Variants in PCBP3 observed in about 807,000 individuals in gnomAD.
PCBP3 encodes the protein poly(rC) binding protein 3, also known as poly(rC)-binding protein 3.
In PCBP3, 25 loss-of-function variants were observed where a neutral mutation model predicts 52.7. That is an observed-to-expected ratio of 0.47 (90% CI 0.35 to 0.66). PCBP3 has a LOEUF of 0.66. Among genes scored for constraint, PCBP3 ranks in the 30% least tolerant of loss-of-function variants. The pLI is 0.01. For missense variants in PCBP3, 391 were observed against 490.3 expected (o/e 0.80, Z 1.91); for synonymous variants, 162 against 183.0 (o/e 0.89, Z 0.93).
rs577068401 is a variant in PCBP3 at position 45,701,869 on chromosome 21, C to T, written c.-200+32917C>T. Among the ~76,000 whole-genome samples, 154 of 152,226 alleles carry T rather than the reference C, an allele frequency of 1.0e-3. 1 individual carries two copies. The highest frequency in any genetic ancestry group is 3.4e-3 in the Middle Eastern group (1 of 294). On this transcript the variant is annotated intron_variant, in intron 2 of 17. Transcript: ENST00000681687. ...GCCACCTCACCCAGCCCCAAAATAA[C>T]ATTTTAATAAAAAGAACTATATTTT...
At chr21:45,785,736 T>C (rs537635401) in intron 4 of PCBP3, among the ~76,000 whole-genome samples, 2 of 152,240 alleles carry the variant, frequency 1.3e-5, no homozygotes, top group South Asian at 4.2e-4. Context: ...ATGGTTGCCG[T>C]GTCTGTGTAG....
rs561168932 is a variant in PCBP3, at chr21:45,827,578, G to A, written c.-125-22383G>A. ...TGGAAAGTCTCAGCCAAGCGAAGAC[G>A]GAGGGCCAACCAAGTCGAGGTTTCA... is the stretch of plus-strand genomic sequence containing the variant. On this transcript the variant is annotated intron_variant, in intron 4 of 17. Coordinates refer to ENST00000681687, the MANE Select transcript of PCBP3 (RefSeq NM_001384156.1). This position sits in a 1 kb window ranked among gnomAD's most constrained non-coding sequence, Gnocchi z 4.3. 8.9e-4 allele frequency among the ~76,000 whole-genome samples: 136 copies of A among 152,276 alleles called. No homozygotes were observed. Among genetic ancestry groups the A allele is most frequent in the Non-Finnish European group, 1.6e-3 (109 of 68,022 alleles).
At chr21:45,702,466 C>T (rs144038176) in intron 2 of PCBP3, among the ~76,000 whole-genome samples, 1 of 152,124 alleles carries the variant, frequency 6.6e-6, no homozygotes, top group Admixed American at 6.5e-5. Flanking sequence ...AATATCAAAG[C>T]AAGTCACATG....
Position 45,935,319 on chromosome 21 carries a change from C to CA in PCBP3, c.909+14_909+15insA. 3 of 1,595,120 alleles carry CA rather than the reference C, an allele frequency of 1.9e-6. No homozygotes were observed. Among genetic ancestry groups the CA allele is most frequent in the Non-Finnish European group, 2.6e-6 (3 of 1,165,776 alleles). ...ATTCCCAATGATGTGAGTATGCCCG[C>CA]TGTACCTGCCTGTCCCTGGGTAGAA... On this transcript the variant is annotated intron_variant, in intron 16 of 17. Coordinates refer to ENST00000681687, the MANE Select transcript of PCBP3 (RefSeq NM_001384156.1).
intron 5 of PCBP3, among the ~76,000 whole-genome samples, chr21:45,878,284 G>A (rs889272879): frequency 2.0e-5 from 3 of 152,374 alleles, no homozygotes; most frequent in South Asian, 2.1e-4. Flanking sequence ...CCTGCCCTCC[G>A]GGGTGGGGGG....
At chr21:45,672,699 G>A (rs1293737362) in intron 2 of PCBP3, among the ~76,000 whole-genome samples, 3 of 152,110 alleles carry the variant, frequency 2.0e-5, no homozygotes, top group Non-Finnish European at 2.9e-5. Context: ...AGACACACCT[G>A]TAATCTCACC....
Position 45,650,926 on chromosome 21 carries a change from G to A in PCBP3, c.-279+7058G>A, listed in dbSNP as rs541819356. 1.4e-4 allele frequency among the ~76,000 whole-genome samples: 21 copies of A among 152,176 alleles called. 1 individual carries two copies. The highest frequency in any genetic ancestry group is 4.6e-4 in the African/African-American group (19 of 41,498). On this transcript the variant is annotated intron_variant, in intron 1 of 17. Transcript: ENST00000681687. ...TACCTAATTTCAGATGGGGCGGGGT[G>A]GTAGAATCTTCCTCATCCTGGAAGC...
chr21:45,933,327 A>G (rs1367479179), intron 15 of PCBP3, among the ~76,000 whole-genome samples: 1 of 152,002 alleles, frequency 6.6e-6, no homozygotes, highest in African/African-American at 2.4e-5. Context: ...GAACACATTG[A>G]CCATGCTGTC....
At chr21:45,865,674 T>A (rs531311579) in intron 5 of PCBP3, among the ~76,000 whole-genome samples, 1 of 152,046 alleles carries the variant, frequency 6.6e-6, no homozygotes, top group African/African-American at 2.4e-5. Flanking sequence ...TGGAGCTGGG[T>A]TTGAGGATGG....
intron 4 of PCBP3, among the ~76,000 whole-genome samples, chr21:45,834,843 AGCCCAGGAAT>A (rs2093543203): frequency 6.6e-6 from 1 of 152,232 alleles, no homozygotes; most frequent in South Asian, 2.1e-4. Flanking sequence ...TTTTCGGCAG[AGCCCAGGAAT>A]GCCCACTTCT....
chr21:45,665,065 T>C (rs1206806350), intron 1 of PCBP3, among the ~76,000 whole-genome samples: 1 of 151,894 alleles, frequency 6.6e-6, no homozygotes, highest in Non-Finnish European at 1.5e-5. Context: ...CAAATGAAAT[T>C]GAGTTCTTTA....
chr21:45,756,422 G>A (rs772807355), intron 4 of PCBP3, among the ~76,000 whole-genome samples: 10 of 151,996 alleles, frequency 6.6e-5, no homozygotes, highest in Non-Finnish European at 1.2e-4. Flanking sequence ...CCTTTGCTTT[G>A]ATTCTAAAAT....
At chr21:45,667,495 AT>A (rs1261406494) in intron 1 of PCBP3, among the ~76,000 whole-genome samples, 3 of 152,044 alleles carry the variant, frequency 2.0e-5, no homozygotes, top group African/African-American at 7.3e-5. Flanking sequence ...CAATTATCAT[AT>A]TTTTTAACTC....
intron 4 of PCBP3, among the ~76,000 whole-genome samples, chr21:45,808,729 C>A (rs191906728): frequency 6.6e-6 from 1 of 152,274 alleles, no homozygotes; most frequent in East Asian, 1.9e-4. Context: ...ACTATAAAGA[C>A]ACATGCATGT....
At chr21:45,876,854 G>A (rs1286031720) in intron 5 of PCBP3, among the ~76,000 whole-genome samples, 3 of 152,236 alleles carry the variant, frequency 2.0e-5, no homozygotes, top group East Asian at 1.9e-4. Flanking sequence ...AGCTAACGGG[G>A]GTATGGCCAG....
chr21:45,849,569 T>C (rs2148181343), intron 4 of PCBP3, among the ~76,000 whole-genome samples: 1 of 152,336 alleles, frequency 6.6e-6, no homozygotes, highest in East Asian at 1.9e-4. Context: ...AGAAATTAGA[T>C]GAAATTTGTT....
At chr21:45,730,773 A>G (rs1450937614) in intron 2 of PCBP3, among the ~76,000 whole-genome samples, 1 of 152,098 alleles carries the variant, frequency 6.6e-6, no homozygotes, top group Non-Finnish European at 1.5e-5. Flanking sequence ...ATTATTATAT[A>G]ATGTCCTTAT....
chr21:45,854,667 G>A lies in PCBP3; in HGVS notation c.10+4572G>A, dbSNP rs147696451. 2.1e-3 allele frequency among the ~76,000 whole-genome samples: 316 copies of A among 152,358 alleles called. 3 individuals carry two copies. The highest frequency in any genetic ancestry group is 3.2e-3 in the Non-Finnish European group (218 of 68,040). ...ATCAGTGGACAGGAAGGCTTCACCC[G>A]TTTGGCTGTTAGGAGCGGTGCCCTT... is the stretch of plus-strand genomic sequence containing the variant. On this transcript the variant is annotated intron_variant, in intron 5 of 17. Coordinates refer to ENST00000681687, the MANE Select transcript of PCBP3 (RefSeq NM_001384156.1).
In PCBP3 at chr21:45,736,828, C is replaced by T. The variant is rs1310998283; in HGVS notation, c.-162+1399C>T. Among the ~76,000 whole-genome samples, 3 of 152,170 alleles carry T rather than the reference C, an allele frequency of 2.0e-5. No individual in the cohort carries two copies. The highest frequency in any genetic ancestry group is 4.4e-5 in the Non-Finnish European group (3 of 68,024). ...GACATCCTTGTGGGGGGATCGAAAACATAAATCTAGTCAGTGAGTTCATCC... is the reference window on the plus strand; with the variant it reads ...GACATCCTTGTGGGGGGATCGAAAATATAAATCTAGTCAGTGAGTTCATCC... On this transcript the variant is annotated intron_variant, in intron 3 of 17. Coordinates refer to ENST00000681687, the MANE Select transcript of PCBP3 (RefSeq NM_001384156.1). The surrounding 1 kb of genome is among the most constrained non-coding windows in gnomAD (Gnocchi z 4.6).
Sources: allele counts gnomAD v4.1 joint callset (sites outside exome capture counted in the v4.1 genomes callset), GRCh38; gene constraint gnomAD v4.1.1; non-coding constraint Gnocchi (gnomAD v3.1); transcripts MANE v1.5; gene names NCBI Gene and HGNC (gene_info 2026-07-23, HGNC 2026-07-21).